The following WWP2 variants were observed in gnomAD, a reference collection of about 807,000 sequenced individuals.
WWP2 encodes NEDD4-like E3 ubiquitin-protein ligase WWP2.
WWP2 carries 57 observed loss-of-function variants against 121.0 expected under a neutral mutation model. The ratio of observed to expected loss-of-function variants is 0.47; its 90% confidence interval spans 0.38 to 0.59. WWP2 has a LOEUF of 0.59. Among genes scored for constraint, WWP2 ranks in the 20% least tolerant of loss-of-function variants. The pLI is 0.00. For synonymous variants in WWP2, 449 were observed against 441.3 expected (o/e 1.02, Z -0.22); for missense variants, 962 against 1,158.9 (o/e 0.83, Z 2.47).
chr16:69,811,581 C>T (rs995605960), intron 4 of WWP2, among the ~76,000 whole-genome samples: 1 of 151,894 alleles, frequency 6.6e-6, no homozygotes, highest in African/African-American at 2.4e-5. Context: ...GACACAGTCT[C>T]TACAAAAATA....
intron 7 of WWP2, among the ~76,000 whole-genome samples, chr16:69,873,659 C>T (rs779714706): frequency 6.6e-6 from 1 of 152,190 alleles, no homozygotes; most frequent in Non-Finnish European, 1.5e-5. Context: ...GAGCATTTTT[C>T]TCTTAGAAAA....
intron 4 of WWP2, among the ~76,000 whole-genome samples, chr16:69,812,477 C>T (rs4247105): frequency 0.8 from 95,903 of 120,346 alleles, 38,736 homozygotes; most frequent in Admixed American, 0.88. Flanking sequence ...AACCCCCCCC[C>T]TTTTTTTTTT....
At chr16:69,923,935 T>A (rs956703386) in intron 10 of WWP2, among the ~76,000 whole-genome samples, 1 of 150,538 alleles carries the variant, frequency 6.6e-6, no homozygotes, top group South Asian at 2.1e-4. Context: ...CACGCCCCCA[T>A]GACTTGGAAT....
intron 2 of WWP2, among the ~76,000 whole-genome samples, chr16:69,796,282 G>A (rs2056043006): frequency 6.6e-6 from 1 of 152,148 alleles, no homozygotes; most frequent in Admixed American, 6.5e-5. Flanking sequence ...ACTTACAGTG[G>A]GGTTACGTCC....
At position 69,802,166 on chromosome 16, in the gene WWP2, G is replaced by A. The variant is rs183019517; in HGVS notation, c.340+2871G>A. ...GCTGGTCTCGATCTCCTGACCTCGT[G>A]ATCTGCCCGCCTCGGCCTCCCAAAG... On this transcript the variant is annotated intron_variant, in intron 4 of 23. Transcript: ENST00000359154. Among the ~76,000 whole-genome samples the A allele has an allele frequency of 2.2e-3, 336 of 152,204 alleles. 2 individuals are homozygous for A. The highest frequency in any genetic ancestry group is 5.6e-3 in the South Asian group (27 of 4,818).
intron 4 of WWP2, among the ~76,000 whole-genome samples, chr16:69,810,939 G>C (rs1207668559): frequency 6.6e-6 from 1 of 151,910 alleles, no homozygotes; most frequent in African/African-American, 2.4e-5. Context: ...ATTTTTAGTA[G>C]AGATGGGGTT....
chr16:69,851,682 A>T (rs1437225548), intron 6 of WWP2, among the ~76,000 whole-genome samples: 2 of 152,156 alleles, frequency 1.3e-5, no homozygotes, highest in Non-Finnish European at 2.9e-5. Context: ...TTCTGTGCAG[A>T]TAAAAGTTTT....
At chr16:69,887,418 C>T (rs1020157355) in intron 7 of WWP2, among the ~76,000 whole-genome samples, 1 of 151,526 alleles carries the variant, frequency 6.6e-6, no homozygotes, top group Non-Finnish European at 1.5e-5. Flanking sequence ...TTTTTTGAGA[C>T]ACAATTTTGC....
chr16:69,816,475 C>A (rs1407857050), intron 4 of WWP2, among the ~76,000 whole-genome samples: 1 of 147,692 alleles, frequency 6.8e-6, no homozygotes, highest in South Asian at 2.1e-4. Context: ...AATATATATA[C>A]TTTATATATG....
chr16:69,904,813 C>G lies in WWP2; in HGVS notation c.915-3948C>G, dbSNP rs184862890. Among the ~76,000 whole-genome samples, 509 of 152,274 alleles carry G rather than the reference C, an allele frequency of 3.3e-3. 2 individuals are homozygous for G. Among genetic ancestry groups the G allele is most frequent in the Non-Finnish European group, 5.1e-3 (348 of 68,026 alleles). On this transcript the variant is annotated intron_variant, in intron 8 of 23. Transcript: ENST00000359154. ...CCCCAGGAGTCTCATCAGTCAGAGC[C>G]TTGAGCAAGAATGCCCGGGAGAGAA...
At chr16:69,768,132 C>T (rs917757788) in intron 1 of WWP2, among the ~76,000 whole-genome samples, 5 of 152,162 alleles carry the variant, frequency 3.3e-5, no homozygotes, top group Admixed American at 6.5e-5. Context: ...GCCACCACAA[C>T]TGGCTAGGGC....
intron 4 of WWP2, among the ~76,000 whole-genome samples, chr16:69,831,979 C>T (rs888016397): frequency 6.6e-5 from 10 of 151,904 alleles, no homozygotes; most frequent in Non-Finnish European, 1.0e-4. Context: ...TAGGCAGGTA[C>T]CACCACGCCC....
At chr16:69,777,336 T>C (rs1364666601) in intron 1 of WWP2, among the ~76,000 whole-genome samples, 1 of 152,118 alleles carries the variant, frequency 6.6e-6, no homozygotes, top group Non-Finnish European at 1.5e-5. Context: ...AGTCTCATTC[T>C]GTCACCCAGG....
chr16:69,879,855 A>G (rs1452853028), intron 7 of WWP2, among the ~76,000 whole-genome samples: 2 of 152,284 alleles, frequency 1.3e-5, no homozygotes, highest in East Asian at 3.9e-4. Flanking sequence ...ACTGTTTTGC[A>G]TTTTATCTTA....
At chr16:69,856,399 T>C (rs1213673558) in intron 6 of WWP2, among the ~76,000 whole-genome samples, 2 of 152,200 alleles carry the variant, frequency 1.3e-5, no homozygotes, top group Non-Finnish European at 2.9e-5. Context: ...TATAAACATT[T>C]GGTAAAACTT....
At chr16:69,772,518 C>T (rs2055438790) in intron 1 of WWP2, among the ~76,000 whole-genome samples, 1 of 152,136 alleles carries the variant, frequency 6.6e-6, no homozygotes, top group Admixed American at 6.6e-5. Flanking sequence ...GTTACAGCTC[C>T]GTGACTGCTC....
At chr16:69,847,888 A>G (rs763543297) in intron 6 of WWP2, among the ~76,000 whole-genome samples, 1 of 152,088 alleles carries the variant, frequency 6.6e-6, no homozygotes, top group Admixed American at 6.6e-5. Context: ...TTTGGTGGGG[A>G]CAAACTGCAT....
intron 4 of WWP2, among the ~76,000 whole-genome samples, chr16:69,814,538 T>C (rs765792574): frequency 6.6e-6 from 1 of 152,192 alleles, no homozygotes; most frequent in East Asian, 1.9e-4. Context: ...AAAGGTGAAG[T>C]TGATTTTGAA....
intron 8 of WWP2, among the ~76,000 whole-genome samples, chr16:69,899,726 C>CAAAAAAAAAA: frequency 1.5e-5 from 1 of 64,756 alleles, no homozygotes. Context: ...GACTCCGTCT[C>CAAAAAAAAAA]AAAAAAAAAA....
Sources: allele counts gnomAD v4.1 joint callset (sites outside exome capture counted in the v4.1 genomes callset), GRCh38; gene constraint gnomAD v4.1.1; transcripts MANE v1.5; gene names NCBI Gene and HGNC (gene_info 2026-07-23, HGNC 2026-07-21).